Variants in EPHA6 observed in about 807,000 individuals in gnomAD.
EPHA6 encodes ephrin type-A receptor 6.
A neutral mutation model predicts 112.0 loss-of-function variants in EPHA6; 50 were observed. The observed-to-expected ratio is 0.45, with a 90% CI of 0.36 to 0.56. The LOEUF (loss-of-function observed/expected upper bound fraction) is 0.56, where lower values mean the gene tolerates loss of function less well. Among genes scored for constraint, EPHA6 ranks in the 20% least tolerant of loss-of-function variants. The probability of loss-of-function intolerance (pLI) is 0.00; values close to 1 mark genes in which losing one functional copy is unlikely to be tolerated. For synonymous variants in EPHA6, 529 were observed against 490.7 expected (o/e 1.08, Z -1.03); for missense variants, 1,280 against 1,417.4 (o/e 0.90, Z 1.56).
chr3:97,707,309 G>A (rs2033730762), intron 14 of EPHA6, among the ~76,000 whole-genome samples: 2 of 152,078 alleles, frequency 1.3e-5, no homozygotes, highest in Admixed American at 1.3e-4. Flanking sequence ...AAAGAAGAAT[G>A]AAAGATCCTC....
At chr3:97,521,142 AT>A (rs1322096088) in intron 10 of EPHA6, among the ~76,000 whole-genome samples, 20 of 148,732 alleles carry the variant, frequency 1.3e-4, no homozygotes, top group African/African-American at 4.9e-4. Flanking sequence ...TCTGTGTTCT[AT>A]TGTATCTCAT....
intron 5 of EPHA6, among the ~76,000 whole-genome samples, chr3:97,254,297 T>C (rs1433313661): frequency 6.6e-6 from 1 of 152,180 alleles, no homozygotes; most frequent in African/African-American, 2.4e-5. Context: ...CAAGCGATTC[T>C]CTTGCCTTAG....
At chr3:97,230,034 A>T (rs1426663442) in intron 4 of EPHA6, among the ~76,000 whole-genome samples, 1 of 152,174 alleles carries the variant, frequency 6.6e-6, no homozygotes, top group Admixed American at 6.5e-5. Context: ...ATAGTATTAT[A>T]TATAGTATGG....
At chr3:97,294,664 C>A (rs1255982567) in intron 5 of EPHA6, among the ~76,000 whole-genome samples, 1 of 151,932 alleles carries the variant, frequency 6.6e-6, no homozygotes, top group Non-Finnish European at 1.5e-5. Flanking sequence ...ACATTTGAGT[C>A]CCTCCTTATC....
chr3:96,979,141 G>T (rs1292761498), intron 2 of EPHA6, among the ~76,000 whole-genome samples: 4 of 151,954 alleles, frequency 2.6e-5, no homozygotes, highest in Admixed American at 2.6e-4. Context: ...TATGTGCCAT[G>T]TTTGTGTGCT....
intron 3 of EPHA6, among the ~76,000 whole-genome samples, chr3:97,067,218 C>T (rs2046205025): frequency 6.6e-6 from 1 of 152,064 alleles, no homozygotes; most frequent in Non-Finnish European, 1.5e-5. Context: ...GCATACTTTA[C>T]ATCATAAATT....
intron 3 of EPHA6, among the ~76,000 whole-genome samples, chr3:97,188,468 A>C (rs149321939): frequency 2.9e-4 from 44 of 152,166 alleles, no homozygotes; most frequent in African/African-American, 1.1e-3. Context: ...AAATCAAACT[A>C]GGGAGAAGAA....
intron 5 of EPHA6, among the ~76,000 whole-genome samples, chr3:97,296,273 A>G (rs570753208): frequency 1.2e-4 from 19 of 152,128 alleles, no homozygotes; most frequent in Admixed American, 1.2e-3. Flanking sequence ...GGCCCCTGGG[A>G]GAAGTGTGCA....
intron 2 of EPHA6, among the ~76,000 whole-genome samples, chr3:96,963,160 C>CAAAAA (rs376176100): frequency 1.2e-5 from 1 of 85,686 alleles, no homozygotes; most frequent in Non-Finnish European, 2.7e-5. Flanking sequence ...AAACTGCATC[C>CAAAAA]AAAAAAAAAA....
chr3:97,486,377 C>A (rs1333213269), intron 10 of EPHA6, among the ~76,000 whole-genome samples: 1 of 152,204 alleles, frequency 6.6e-6, no homozygotes, highest in Non-Finnish European at 1.5e-5. Flanking sequence ...CCTGGCCGTA[C>A]TGCTCTGTTA....
intron 5 of EPHA6, among the ~76,000 whole-genome samples, chr3:97,361,824 A>C (rs2084390378): frequency 6.6e-6 from 1 of 152,326 alleles, no homozygotes; most frequent in South Asian, 2.1e-4. Flanking sequence ...TTGGGGATTA[A>C]ATTTCAACAT....
intron 3 of EPHA6, among the ~76,000 whole-genome samples, chr3:97,199,416 C>T (rs564025862): frequency 1.3e-5 from 2 of 152,102 alleles, no homozygotes; most frequent in East Asian, 1.9e-4. Flanking sequence ...TGGAGAACTA[C>T]CCCCTACCCG....
chr3:97,250,892 G>A (rs1398641727), intron 5 of EPHA6, among the ~76,000 whole-genome samples: 1 of 151,014 alleles, frequency 6.6e-6, no homozygotes, highest in Non-Finnish European at 1.5e-5. Flanking sequence ...TTTTTAGACA[G>A]AGTCTCACTT....
At position 97,750,229 on chromosome 3, in the gene EPHA6, G is replaced by A. The variant is rs1017841780; in HGVS notation, c.*1528G>A. Among the ~76,000 whole-genome samples, 2 of 151,760 alleles carry A rather than the reference G, an allele frequency of 1.3e-5. No homozygotes were observed. Among genetic ancestry groups the A allele is most frequent in the Non-Finnish European group, 2.9e-5 (2 of 67,962 alleles). ...ATAAATTAGCTTTTGTTGGATCTCAGTGATAATGGTGCCCTACCTACCCTA... is the reference window on the plus strand; with the variant it reads ...ATAAATTAGCTTTTGTTGGATCTCAATGATAATGGTGCCCTACCTACCCTA... On this transcript the variant is annotated 3_prime_UTR_variant, in exon 18 of 18. Coordinates refer to ENST00000389672, the MANE Select transcript of EPHA6 (RefSeq NM_001080448.3).
chr3:97,084,489 C>A (rs1027647487), intron 3 of EPHA6, among the ~76,000 whole-genome samples: 5 of 151,956 alleles, frequency 3.3e-5, no homozygotes, highest in Non-Finnish European at 7.4e-5. Flanking sequence ...AAATTTCTTT[C>A]TCACTGGGCG....
chr3:97,326,827 C>T (rs899723167), intron 5 of EPHA6, among the ~76,000 whole-genome samples: 1 of 152,198 alleles, frequency 6.6e-6, no homozygotes, highest in Non-Finnish European at 1.5e-5. Flanking sequence ...TGATTTGCCT[C>T]ATTGCAGATC....
chr3:97,135,249 T>C (rs2108337421), intron 3 of EPHA6, among the ~76,000 whole-genome samples: 1 of 152,236 alleles, frequency 6.6e-6, no homozygotes, highest in African/African-American at 2.4e-5. Flanking sequence ...GGCTTTTGAG[T>C]TACAAGCTGC....
At chr3:97,154,306 A>G (rs974821853) in intron 3 of EPHA6, among the ~76,000 whole-genome samples, 12 of 152,066 alleles carry the variant, frequency 7.9e-5, no homozygotes, top group African/African-American at 2.4e-4. Flanking sequence ...TTCTTCCCCT[A>G]TGTATATTTC....
At chr3:97,369,488 A>T (rs2084928141) in intron 5 of EPHA6, among the ~76,000 whole-genome samples, 1 of 152,194 alleles carries the variant, frequency 6.6e-6, no homozygotes, top group Non-Finnish European at 1.5e-5. Flanking sequence ...GTCCTAGTTA[A>T]TTCCAAATTT....
Sources: gnomAD v4.1 joint callset for allele counts (sites outside exome capture counted in the v4.1 genomes callset) on GRCh38, gnomAD v4.1.1 for gene constraint, MANE v1.5 for transcripts, NCBI Gene and HGNC (gene_info 2026-07-23, HGNC 2026-07-21) for gene names.